Variants in ZNF813 observed in about 807,000 individuals in gnomAD.
ZNF813 encodes the protein zinc finger protein 813.
ZNF813 carries 3 observed loss-of-function variants against 7.2 expected under a neutral mutation model. The observed-to-expected ratio is 0.42, with a 90% CI of 0.19 to 1.08. The LOEUF (loss-of-function observed/expected upper bound fraction) is 1.08. ZNF813 is among the 50% of genes least tolerant of loss of function. The pLI, the probability that ZNF813 is intolerant of heterozygous loss-of-function variation, is 0.30. For synonymous variants in ZNF813, 227 were observed against 256.3 expected, an observed-to-expected ratio of 0.89 and a Z score of 1.09; for missense variants, 714 against 753.3, an observed-to-expected ratio of 0.95 and a Z score of 0.61.
chr19:53,470,114 G>A (rs572419143), intron 1 of ZNF813, among the ~76,000 whole-genome samples: 23 of 150,726 alleles, frequency 1.5e-4, no homozygotes, highest in East Asian at 5.8e-4. Flanking sequence ...TGAAAGAAAA[G>A]CAAGAACAGC....
intron 1 of ZNF813, among the ~76,000 whole-genome samples, chr19:53,480,920 G>A (rs916515402): frequency 6.6e-6 from 1 of 152,152 alleles, no homozygotes; most frequent in Non-Finnish European, 1.5e-5. Context: ...TGCATAAGGT[G>A]GGTCCAGGGG....
In ZNF813 at chr19:53,478,535, T is replaced by G. The variant is rs550822887; in HGVS notation, c.-73-5215T>G. Among the ~76,000 whole-genome samples, 175 of 152,206 alleles carry G rather than the reference T, an allele frequency of 1.1e-3. 1 individual carries two copies. Among genetic ancestry groups the G allele is most frequent in the African/African-American group, 4.1e-3 (171 of 41,534 alleles). ...GCTCCTGCCAGTAAGCCCAGCACTT[T>G]GGGAGATGGAGGTGAGTGGGTCACC... On this transcript the variant is annotated intron_variant, in intron 1 of 3. Coordinates refer to ENST00000396403, the MANE Select transcript of ZNF813 (RefSeq NM_001004301.4).
intron 3 of ZNF813, among the ~76,000 whole-genome samples, chr19:53,488,684 G>A (rs2617673): frequency 0.2 from 30,158 of 151,230 alleles, 3,797 homozygotes; most frequent in African/African-American, 0.37. Context: ...CTGCCAAAGT[G>A]CTGGGATTAC....
chr19:53,485,877 G>GT (rs757504494), intron 2 of ZNF813, among the ~76,000 whole-genome samples: 10 of 151,912 alleles, frequency 6.6e-5, no homozygotes, highest in Non-Finnish European at 1.3e-4. Context: ...ATTTTTATGT[G>GT]GTTTTTTTGT....
At chr19:53,472,385 GA>G (rs755671108) in intron 1 of ZNF813, among the ~76,000 whole-genome samples, 6 of 152,162 alleles carry the variant, frequency 3.9e-5, no homozygotes, top group Non-Finnish European at 7.4e-5. Context: ...GGTTACCACA[GA>G]CGGATGAGTC....
At chr19:53,479,359 A>C in intron 1 of ZNF813, 1 of 1,590,560 alleles carries the variant, frequency 6.3e-7, no homozygotes, top group Non-Finnish European at 8.5e-7. Context: ...CATGGCTGGG[A>C]TCACCACCAT....
rs1219265035 is a variant in ZNF813, at chr19:53,469,800, AC to A, written c.-74+2012del. Among the ~76,000 whole-genome samples, 15 of 139,326 alleles carry A rather than the reference AC, an allele frequency of 1.1e-4. 1 individual carries two copies. Among genetic ancestry groups the A allele is most frequent in the East Asian group, 4.2e-4 (2 of 4,710 alleles). The allele number at this position is 139,326 out of a possible 152,430, so 91.4% of individuals were successfully genotyped here. A position where few individuals can be genotyped will look rare whatever the true frequency, so the allele number is the denominator to read the frequency against. On this transcript the variant is annotated intron_variant, in intron 1 of 3. Coordinates refer to ENST00000396403, the MANE Select transcript of ZNF813 (RefSeq NM_001004301.4). Reference sequence around the variant, plus strand: ...GGATCTAGGCTGCCAGAGAGTGGGGACAGGGGGTATAACAGGGAAGAGAGAA... The same window carrying A: ...GGATCTAGGCTGCCAGAGAGTGGGGAAGGGGGTATAACAGGGAAGAGAGAA...
rs1336949815 is a variant in ZNF813, at chr19:53,493,803, T to G, written c.*1717T>G. 1 of 152,278 alleles carries G rather than the reference T, an allele frequency of 6.6e-6. No individual in the cohort carries two copies. The highest frequency in any genetic ancestry group is 1.5e-5 in the Non-Finnish European group (1 of 68,050). The allele number at this position is 152,278 out of a possible 1,614,324, so 9.4% of individuals were successfully genotyped here. On this transcript the variant is annotated 3_prime_UTR_variant, in exon 4 of 4. Transcript: ENST00000396403. The stretch of plus-strand genomic sequence containing the variant: ...TTGATTTCTTTTGCTATTTCATTGC[T>G]CTGGCTAGGACAGCCAGTATTTATT...
chr19:53,482,706 C>CTTTTTTTTTTTTTTT (rs1568830690), intron 1 of ZNF813, among the ~76,000 whole-genome samples: 4 of 91,470 alleles, frequency 4.4e-5, no homozygotes, highest in African/African-American at 1.6e-4. Context: ...ATCAGGAATG[C>CTTTTTTTTTTTTTTT]TTTTTGTTTT....
chr19:53,491,656 C>A lies in ZNF813; in HGVS notation c.1424C>A (p.Thr475Lys). ...KRYKCNECGK[T>K]FSRISALVIH... ...TACAAGTGTAATGAGTGTGGCAAGA[C>A]GTTCAGTCGAATTTCAGCCCTCGTA... Residue 475 changes from threonine to lysine, a missense_variant, in exon 4 of 4, where the codon ACG (threonine) becomes AAG (lysine). Around this residue, in one of 3 missense-constraint regions of ZNF813, gnomAD observed 563 missense variants for 554.2 expected, o/e 1.02. Coordinates refer to ENST00000396403, the MANE Select transcript of ZNF813 (RefSeq NM_001004301.4). 6.2e-7 allele frequency: 1 copy of A among 1,613,792 alleles called. No homozygotes were observed. Among genetic ancestry groups the A allele is most frequent in the Non-Finnish European group, 8.5e-7 (1 of 1,179,860 alleles).
rs2086469446 is a variant in ZNF813, at chr19:53,492,627, TA to T, written c.*543del. 1 of 738,718 alleles carries T rather than the reference TA, an allele frequency of 1.4e-6. No homozygotes were observed. Among genetic ancestry groups the T allele is most frequent in the Non-Finnish European group, 2.2e-6 (1 of 453,212 alleles). 45.8% of individuals were successfully genotyped at this position (738,718 alleles called of 1,614,324 possible). On this transcript the variant is annotated 3_prime_UTR_variant, in exon 4 of 4. Coordinates refer to ENST00000396403, the MANE Select transcript of ZNF813 (RefSeq NM_001004301.4). ...CAATCCATGGTGAAGGAAACTTGAC[TA>T]ATGTAATGATTGTCACCAAGTCTTC...
chr19:53,468,219 G>GGCCCC, intron 1 of ZNF813, among the ~76,000 whole-genome samples: 2 of 52,964 alleles, frequency 3.8e-5, no homozygotes, highest in East Asian at 7.0e-4. Flanking sequence ...GCGCCCTCGC[G>GGCCCC]CCCCCCCCCC....
In ZNF813 at chr19:53,491,134, G is replaced by T; in HGVS notation, c.902G>T (p.Cys301Phe). ...RLHTGEKPYK[C>F]EECDKAFSFK... ...CATACTGGAGAGAAACCTTACAAAT[G>T]TGAAGAATGTGACAAAGCTTTCAGT... Residue 301 changes from cysteine to phenylalanine, a missense_variant, in exon 4 of 4, where the codon TGT becomes TTT. This residue lies in a region of ZNF813 where 563 missense variants were observed against 554.2 expected (regional missense o/e 1.02). Coordinates refer to ENST00000396403, the MANE Select transcript of ZNF813 (RefSeq NM_001004301.4). 6.2e-7 allele frequency: 1 copy of T among 1,614,038 alleles called. No homozygotes were observed. The highest frequency in any genetic ancestry group is 8.5e-7 in the Non-Finnish European group (1 of 1,179,988).
chr19:53,477,882 A>T (rs1165300095), intron 1 of ZNF813, among the ~76,000 whole-genome samples: 1 of 152,132 alleles, frequency 6.6e-6, no homozygotes. Context: ...ACTGGGTATG[A>T]TTACTTGTGA....
chr19:53,484,531 T>C (rs2086423795), intron 2 of ZNF813, among the ~76,000 whole-genome samples: 1 of 152,224 alleles, frequency 6.6e-6, no homozygotes, highest in Non-Finnish European at 1.5e-5. Flanking sequence ...AAAATGGTTA[T>C]AATTTGTATT....
chr19:53,490,515 C>A lies in ZNF813; in HGVS notation c.283C>A (p.His95Asn). Residue 95 changes from histidine (H) to asparagine (N), a missense_variant, in exon 4 of 4, where the codon CAT (histidine) becomes AAT (asparagine). Coordinates refer to ENST00000396403, the MANE Select transcript of ZNF813 (RefSeq NM_001004301.4). ...FRFQEIDKDIHNLEFQWQEDE... is the reference protein window; with the variant it reads ...FRFQEIDKDINNLEFQWQEDE... ...CTTTCAGGAAATTGATAAAGATATT[C>A]ATAACTTAGAGTTTCAGTGGCAAGA... is the stretch of plus-strand genomic sequence containing the variant. 1 of 1,614,106 alleles carries A rather than the reference C, an allele frequency of 6.2e-7. No homozygotes were observed. Among genetic ancestry groups the A allele is most frequent in the Non-Finnish European group, 8.5e-7 (1 of 1,180,032 alleles).
In ZNF813 at chr19:53,491,907, G is replaced by T. The variant is rs745340828; in HGVS notation, c.1675G>T (p.Val559Phe). The change falls in exon 4 of 4, where the codon GTT becomes TTT. Residue 559 changes from valine to phenylalanine, a missense_variant. By Grantham distance (50) the Val-to-Phe change is conservative. Coordinates refer to ENST00000396403, the MANE Select transcript of ZNF813 (RefSeq NM_001004301.4). ...TTACAAGTGTAATGAATGTGGCAAG[G>T]TTTTTAATCAAAAAGCACACCTTGC... ...KPYKCNECGK[V>F]FNQKAHLARH... 1 of 1,610,248 alleles carries T rather than the reference G, an allele frequency of 6.2e-7. No homozygotes were observed. Among genetic ancestry groups the T allele is most frequent in the African/African-American group, 1.3e-5 (1 of 74,730 alleles).
intron 1 of ZNF813, among the ~76,000 whole-genome samples, chr19:53,478,623 C>G (rs1397691655): frequency 1.3e-5 from 2 of 152,018 alleles, no homozygotes; most frequent in African/African-American, 4.8e-5. Context: ...ACTAAAAATA[C>G]AAAAGTTAGG....
intron 1 of ZNF813, among the ~76,000 whole-genome samples, chr19:53,470,424 TAGAA>T (rs1361026897): frequency 1.3e-5 from 2 of 150,528 alleles, no homozygotes; most frequent in African/African-American, 4.9e-5. Flanking sequence ...AAGATTTTAA[TAGAA>T]AGCATCACTA....
Sources: allele counts gnomAD v4.1 joint callset (sites outside exome capture counted in the v4.1 genomes callset), GRCh38; gene constraint gnomAD v4.1.1; regional missense constraint gnomAD v4.1.1; transcripts MANE v1.5; gene names NCBI Gene and HGNC (gene_info 2026-07-23, HGNC 2026-07-21).